PLEKHA6: variants seen among roughly 807,000 people sequenced by gnomAD.
The protein encoded by PLEKHA6 is pleckstrin homology domain containing A6.
PLEKHA6 carries 60 observed loss-of-function variants against 116.7 expected under a neutral mutation model. The observed-to-expected ratio is 0.51, with a 90% CI of 0.42 to 0.64. The LOEUF is 0.64. Among genes scored for constraint, PLEKHA6 ranks in the 30% least tolerant of loss-of-function variants. The pLI, the probability that PLEKHA6 is intolerant of heterozygous loss-of-function variation, is 0.00. For missense variants in PLEKHA6, 1,338 were observed against 1,422.7 expected, an observed-to-expected ratio of 0.94 and a Z score of 0.96; for synonymous variants, 489 against 556.1, an observed-to-expected ratio of 0.88 and a Z score of 1.70.
At position 204,338,518 on chromosome 1, in the gene PLEKHA6, G is replaced by A. The variant is rs536688743; in HGVS notation, c.-95+21176C>T. ...GGAATTTATGGAAGCCCTTTTCTAT[G>A]CCAGGAACTTTACTAGGTCTTTAGG... On this transcript the variant is annotated intron_variant, in intron 1 of 22. Coordinates refer to ENST00000272203, the MANE Select transcript of PLEKHA6 (RefSeq NM_014935.5). Among the ~76,000 whole-genome samples, 12 of 152,270 alleles carry A rather than the reference G, an allele frequency of 7.9e-5. No homozygotes were observed. The East Asian group carries it at 2.3e-3, about 29-fold the overall frequency.
chr1:204,273,505 A>C (rs1219947409), intron 3 of PLEKHA6, 121 bp downstream of exon 3: 2 of 719,586 alleles, frequency 2.8e-6, no homozygotes, highest in Admixed American at 4.5e-5. Flanking sequence ...CACCTTGCCT[A>C]CTCTTGGAGC....
intron 1 of PLEKHA6, chr1:204,307,805 C>A: frequency 1.1e-6 from 1 of 932,130 alleles, no homozygotes; most frequent in Non-Finnish European, 1.3e-6. Context: ...TGGGAGAGAG[C>A]CCTGCCAGGT....
chr1:204,297,168 A>C (rs191985227), intron 1 of PLEKHA6: 2 of 981,956 alleles, frequency 2.0e-6, no homozygotes, highest in Admixed American at 1.2e-4. Flanking sequence ...CCTTCTTCCT[A>C]GAAAGAAAAA....
intron 9 of PLEKHA6, among the ~76,000 whole-genome samples, chr1:204,256,020 G>A (rs1487485302): frequency 6.6e-6 from 1 of 152,192 alleles, no homozygotes; most frequent in East Asian, 1.9e-4. Flanking sequence ...GGAAAAATCG[G>A]TTGTTTCTGG....
intron 17 of PLEKHA6, among the ~76,000 whole-genome samples, chr1:204,235,203 GACTCT>G (rs1377669291): frequency 6.6e-6 from 1 of 151,336 alleles, no homozygotes; most frequent in East Asian, 1.9e-4. Flanking sequence ...AAATGCTAAG[GACTCT>G]ACTTCTAATA....
intron 1 of PLEKHA6, among the ~76,000 whole-genome samples, chr1:204,280,037 C>T (rs961907217): frequency 1.3e-5 from 2 of 152,134 alleles, no homozygotes; most frequent in African/African-American, 4.8e-5. Flanking sequence ...TTAAGAAGAT[C>T]GTGTATGGGG....
chr1:204,225,688 C>T (rs1016590903), intron 21 of PLEKHA6, among the ~76,000 whole-genome samples: 6 of 152,184 alleles, frequency 3.9e-5, no homozygotes, highest in African/African-American at 1.2e-4. Context: ...ATTTATGCTC[C>T]AACACCTTAC....
intron 15 of PLEKHA6, among the ~76,000 whole-genome samples, chr1:204,243,522 C>G (rs1234300901): frequency 6.6e-6 from 1 of 152,142 alleles, no homozygotes; most frequent in Non-Finnish European, 1.5e-5. Context: ...CCCCAAAGCT[C>G]TCTCATTGCC....
In PLEKHA6 at chr1:204,227,186, G is replaced by A. The variant is rs1571733026; in HGVS notation, c.3031+897C>T. 2.0e-5 allele frequency among the ~76,000 whole-genome samples: 3 copies of A among 152,284 alleles called. No individual in the cohort carries two copies. In the East Asian group the frequency reaches 5.8e-4, roughly 29 times the overall value. On this transcript the variant is annotated intron_variant, in intron 21 of 22. Coordinates refer to ENST00000272203, the MANE Select transcript of PLEKHA6 (RefSeq NM_014935.5). ...GCCTGGGCTACTGGAATGGTGGCCT[G>A]CACACCTGCTCTAGCTTCTCTGCCA...
At chr1:204,360,721 G>A (rs1673540422), upstream of PLEKHA6, among the ~76,000 whole-genome samples, 1 of 152,148 alleles carries the variant, frequency 6.6e-6, no homozygotes. Flanking sequence ...GTGGGGCCTT[G>A]CAGAAACCCT....
At chr1:204,290,957 G>A (rs1255470423) in intron 1 of PLEKHA6, among the ~76,000 whole-genome samples, 1 of 143,908 alleles carries the variant, frequency 6.9e-6, no homozygotes, top group African/African-American at 2.6e-5. Flanking sequence ...TCACTGCATA[G>A]CAGCGTGGGT....
intron 1 of PLEKHA6, among the ~76,000 whole-genome samples, chr1:204,375,649 A>T (rs1211544878): frequency 6.6e-6 from 1 of 152,062 alleles, no homozygotes; most frequent in Non-Finnish European, 1.5e-5. Context: ...GCTGCCAGAG[A>T]CAAGGCTCTA....
chr1:204,275,484 G>A (rs144044561), intron 1 of PLEKHA6, among the ~76,000 whole-genome samples: 5 of 152,300 alleles, frequency 3.3e-5, no homozygotes, highest in African/African-American at 1.2e-4. Flanking sequence ...GAGAGGGGCA[G>A]GGCGTTGTGA....
At chr1:204,291,997 A>C (rs2103032496) in intron 1 of PLEKHA6, among the ~76,000 whole-genome samples, 1 of 152,312 alleles carries the variant, frequency 6.6e-6, no homozygotes, top group South Asian at 2.1e-4. Flanking sequence ...TCTGTTTCAC[A>C]TGGTGATGGA....
At chr1:204,236,287 T>A (rs1160976203) in intron 17 of PLEKHA6, among the ~76,000 whole-genome samples, 2 of 152,208 alleles carry the variant, frequency 1.3e-5, no homozygotes, top group African/African-American at 2.4e-5. Flanking sequence ...GATGGCCCAC[T>A]GTGAGCGAGA....
intron 3 of PLEKHA6, among the ~76,000 whole-genome samples, chr1:204,367,271 C>T (rs530981612): frequency 2.6e-4 from 39 of 152,318 alleles, no homozygotes; most frequent in African/African-American, 8.9e-4. Flanking sequence ...CTGACCAACT[C>T]CTAGGAGGAA....
chr1:204,369,569 A>G (rs1673735068), intron 2 of PLEKHA6: 1 of 152,142 alleles, frequency 6.6e-6, no homozygotes, highest in African/African-American at 2.4e-5. Context: ...GCCTTTTTCT[A>G]GCAACTTCCC....
Position 204,247,426 on chromosome 1 carries a change from A to G in PLEKHA6, c.1859T>C (p.Leu620Pro). ...LTNSTIEYEH[L>P]ESEVSALHDD... ...GTGCAGGGCAGAGACCTCAGACTCG[A>G]GGTGCTCATACTCTATGGTGCTGTT... The change falls in exon 13 of 23, where the codon CTC becomes CCC. Residue 620 changes from leucine to proline, a missense_variant. Transcript: ENST00000272203. 1.2e-6 allele frequency: 2 copies of G among 1,613,256 alleles called. No individual in the cohort carries two copies. Among genetic ancestry groups the G allele is most frequent in the Non-Finnish European group, 1.7e-6 (2 of 1,179,400 alleles).
At chr1:204,343,140 G>C (rs761697257) in intron 1 of PLEKHA6, among the ~76,000 whole-genome samples, 1 of 152,124 alleles carries the variant, frequency 6.6e-6, no homozygotes, top group Non-Finnish European at 1.5e-5. Flanking sequence ...TCAGTACAAT[G>C]AGCTCAATTT....
Sources: allele counts gnomAD v4.1 joint callset (sites outside exome capture counted in the v4.1 genomes callset), GRCh38; gene constraint gnomAD v4.1.1; transcripts MANE v1.5; gene names NCBI Gene and HGNC (gene_info 2026-07-23, HGNC 2026-07-21).